The following NEMP2 variants were observed in gnomAD, a reference collection of about 807,000 sequenced individuals.
NEMP2 encodes the protein nuclear envelope integral membrane protein 2.
In NEMP2, 53 loss-of-function variants were observed where a neutral mutation model predicts 54.2. The observed-to-expected ratio is 0.98, with a 90% CI of 0.78 to 1.23. The LOEUF (loss-of-function observed/expected upper bound fraction) is 1.23, where lower values mean the gene tolerates loss of function less well. Ranked by LOEUF, NEMP2 falls within the 50% of genes most tolerant of loss-of-function variation. The probability of loss-of-function intolerance (pLI) is 0.00; values close to 1 mark genes in which losing one functional copy is unlikely to be tolerated. For missense variants in NEMP2, 455 were observed against 511.3 expected (o/e 0.89, Z 1.06); for synonymous variants, 197 against 190.3 (o/e 1.04, Z -0.29).
the NEMP2 span, among the ~76,000 whole-genome samples, chr2:190,475,298 T>G: frequency 2.0e-5 from 3 of 152,218 alleles, no homozygotes; most frequent in African/African-American, 4.8e-5. Context: ...GATGACATGA[T>G]TGTATATCTA....
chr2:190,491,994 CACTT>C, the NEMP2 span, among the ~76,000 whole-genome samples: 2 of 152,144 alleles, frequency 1.3e-5, no homozygotes, highest in Non-Finnish European at 2.9e-5. This position sits in a 1 kb window ranked among gnomAD's most constrained non-coding sequence, Gnocchi z 4.2. Context: ...ATAAAGGACA[CACTT>C]ACAGAAATGC....
At chr2:190,468,011 C>T in the NEMP2 span, among the ~76,000 whole-genome samples, 95 of 152,302 alleles carry the variant, frequency 6.2e-4, 1 homozygote, top group East Asian at 0.018. Flanking sequence ...AGAGAGGCCA[C>T]CCACAGGGCT....
chr2:190,519,248 G>A lies in NEMP2; in HGVS notation c.214-65C>T. On this transcript the variant is annotated intron_variant, in intron 2 of 8. Coordinates refer to ENST00000409150, the MANE Select transcript of NEMP2 (RefSeq NM_001142645.2). This position sits in a 1 kb window ranked among gnomAD's most constrained non-coding sequence, Gnocchi z 5.4. The stretch of plus-strand genomic sequence containing the variant: ...TTCTCTTTTTTGTTTTGGAGACAGG[G>A]TCTCCCTCTGTTGCCCAGAATGGAG... 1.7e-6 allele frequency: 2 copies of A among 1,154,712 alleles called. No homozygotes were observed. The highest frequency in any genetic ancestry group is 1.5e-5 in the South Asian group (1 of 68,776). 71.5% of individuals were successfully genotyped at this position (1,154,712 alleles called of 1,614,324 possible). A position where few individuals can be genotyped will look rare whatever the true frequency, so the allele number is the denominator to read the frequency against.
the NEMP2 span, chr2:190,444,880 A>G: frequency 1.2e-6 from 1 of 832,984 alleles, no homozygotes; most frequent in East Asian, 1.2e-4. Flanking sequence ...ATACAAAATC[A>G]TAGTAAAAAG....
the NEMP2 span, chr2:190,437,601 ACTTTAT>A: frequency 6.3e-7 from 1 of 1,577,828 alleles, no homozygotes; most frequent in African/African-American, 1.4e-5. This position sits in a 1 kb window ranked among gnomAD's most constrained non-coding sequence, Gnocchi z 5.9. Flanking sequence ...CAGCAATTGA[ACTTTAT>A]CTTTTTATGG....
chr2:190,571,193 A>C, the NEMP2 span, among the ~76,000 whole-genome samples: 1 of 152,228 alleles, frequency 6.6e-6, no homozygotes. Context: ...TTAATACAGT[A>C]CATGTAAAGT....
In NEMP2 at chr2:190,521,294, A is replaced by G. The variant is rs376876388; in HGVS notation, c.214-2111T>C. Reference sequence around the variant, plus strand: ...CAGAAGTGAATGTCCACCAGCTCCTATCTGCAAAGCCACCTACCTGTCAGC... The same window carrying G: ...CAGAAGTGAATGTCCACCAGCTCCTGTCTGCAAAGCCACCTACCTGTCAGC... On this transcript the variant is annotated intron_variant, in intron 2 of 8. Transcript: ENST00000409150. This position sits in a 1 kb window ranked among gnomAD's most constrained non-coding sequence, Gnocchi z 6.2. 4.6e-5 allele frequency among the ~76,000 whole-genome samples: 7 copies of G among 152,110 alleles called. No individual in the cohort carries two copies. Among genetic ancestry groups the G allele is most frequent in the African/African-American group, 1.4e-4 (6 of 41,420 alleles).
chr2:190,490,147 C>T, the NEMP2 span, among the ~76,000 whole-genome samples: 1 of 151,854 alleles, frequency 6.6e-6, no homozygotes, highest in Non-Finnish European at 1.5e-5. The surrounding 1 kb of genome is among the most constrained non-coding windows in gnomAD (Gnocchi z 4.5). Flanking sequence ...TTCAATTTCT[C>T]TGGTATTCTA....
chr2:190,630,601 A>G, the NEMP2 span, among the ~76,000 whole-genome samples: 1 of 152,150 alleles, frequency 6.6e-6, no homozygotes, highest in African/African-American at 2.4e-5. The surrounding 1 kb of genome is among the most constrained non-coding windows in gnomAD (Gnocchi z 5.5). Context: ...TCCTAAAAAA[A>G]TCCTTAAATC....
In NEMP2 at chr2:190,514,496, A is replaced by T; in HGVS notation, c.910T>A (p.Trp304Arg). 1 of 1,551,678 alleles carries T rather than the reference A, an allele frequency of 6.4e-7. No homozygotes were observed. The highest frequency in any genetic ancestry group is 2.0e-5 in the Admixed American group (1 of 51,012). ...YAAIILLMSS[W>R]SLHYPLRACS... ...GCTCTCAGTGGGTAGTGCAGACTCC[A>T]GGAGGACATGAGGAGGATTATGGCT... Residue 304 changes from tryptophan to arginine, a missense_variant, in exon 7 of 9, where the codon TGG (tryptophan) becomes AGG (arginine). By Grantham distance (101) the Trp-to-Arg change is moderately radical. Transcript: ENST00000409150. This position sits in a 1 kb window ranked among gnomAD's most constrained non-coding sequence, Gnocchi z 5.7.
At chr2:190,488,148 G>A in the NEMP2 span, among the ~76,000 whole-genome samples, 31 of 152,254 alleles carry the variant, frequency 2.0e-4, 1 homozygote, top group South Asian at 6.0e-3. The surrounding 1 kb of genome is among the most constrained non-coding windows in gnomAD (Gnocchi z 6.4). Flanking sequence ...TGATCCACCC[G>A]CCTCGGCCTC....
chr2:190,451,503 A>G, the NEMP2 span, among the ~76,000 whole-genome samples: 1 of 152,176 alleles, frequency 6.6e-6, no homozygotes, highest in Non-Finnish European at 1.5e-5. This position sits in a 1 kb window ranked among gnomAD's most constrained non-coding sequence, Gnocchi z 5.0. Flanking sequence ...TGGGACTCAC[A>G]TTCTACTGGG....
At chr2:190,586,288 A>T in the NEMP2 span, among the ~76,000 whole-genome samples, 1 of 151,964 alleles carries the variant, frequency 6.6e-6, no homozygotes, top group Non-Finnish European at 1.5e-5. This position sits in a 1 kb window ranked among gnomAD's most constrained non-coding sequence, Gnocchi z 4.5. Context: ...TTGATACTCA[A>T]TGATGAATGA....
At chr2:190,516,845 C>T (rs1457397452) in intron 5 of NEMP2, among the ~76,000 whole-genome samples, 3 of 152,126 alleles carry the variant, frequency 2.0e-5, no homozygotes, top group Non-Finnish European at 4.4e-5. Context: ...ATTTGCAGCT[C>T]TTTGGGAGGC....
the NEMP2 span, among the ~76,000 whole-genome samples, chr2:190,450,061 A>C: frequency 1.3e-5 from 2 of 152,168 alleles, no homozygotes; most frequent in Admixed American, 6.5e-5. Flanking sequence ...CAAGATACCA[A>C]AAAGCCAAGT....
At chr2:190,607,889 G>A in the NEMP2 span, 1 of 152,210 alleles carries the variant, frequency 6.6e-6, no homozygotes, top group African/African-American at 2.4e-5. The surrounding 1 kb of genome is among the most constrained non-coding windows in gnomAD (Gnocchi z 5.2). Flanking sequence ...CCTCAGGGTG[G>A]GCTTCCCTGG....
chr2:190,493,970 C>G, the NEMP2 span, among the ~76,000 whole-genome samples: 1 of 151,316 alleles, frequency 6.6e-6, no homozygotes, highest in Non-Finnish European at 1.5e-5. Flanking sequence ...GAAACAAGAA[C>G]AAACCAAACC....
At chr2:190,601,617 AAAT>A in the NEMP2 span, among the ~76,000 whole-genome samples, 1 of 152,230 alleles carries the variant, frequency 6.6e-6, no homozygotes, top group Non-Finnish European at 1.5e-5. The surrounding 1 kb of genome is among the most constrained non-coding windows in gnomAD (Gnocchi z 5.8). Context: ...AACTCCATGA[AAAT>A]AATGATTGCT....
upstream of NEMP2, chr2:190,534,731 G>C: frequency 8.9e-7 from 1 of 1,120,288 alleles, no homozygotes; most frequent in Non-Finnish European, 1.1e-6. Context: ...GTGGCGCGGG[G>C]GCTCAGAGAA....
Sources: allele counts gnomAD v4.1 joint callset (sites outside exome capture counted in the v4.1 genomes callset), GRCh38; gene constraint gnomAD v4.1.1; non-coding constraint Gnocchi (gnomAD v3.1); transcripts MANE v1.5; gene names NCBI Gene and HGNC (gene_info 2026-07-23, HGNC 2026-07-21).